IL19: variants seen among roughly 807,000 people sequenced by gnomAD.
The protein encoded by IL19 is interleukin-19.
IL19 carries 15 observed loss-of-function variants against 19.5 expected under a neutral mutation model. The ratio of observed to expected loss-of-function variants is 0.77; its 90% confidence interval spans 0.52 to 1.19. The LOEUF (loss-of-function observed/expected upper bound fraction) is 1.19. Ranked by LOEUF, IL19 falls within the 50% of genes most tolerant of loss-of-function variation. IL19 has a pLI of 0.00. For missense variants in IL19, 199 were observed against 213.1 expected, an observed-to-expected ratio of 0.93 and a Z score of 0.41; for synonymous variants, 78 against 78.3, an observed-to-expected ratio of 1.00 and a Z score of 0.02.
intron 2 of IL19, among the ~76,000 whole-genome samples, chr1:206,805,288 G>A (rs534738061): frequency 6.6e-6 from 1 of 152,302 alleles, no homozygotes; most frequent in South Asian, 2.1e-4. Context: ...ATTGCTCTAG[G>A]TCTTGATACA....
chr1:206,803,552 G>A (rs1006536281), intron 2 of IL19, among the ~76,000 whole-genome samples: 1 of 152,130 alleles, frequency 6.6e-6, no homozygotes, highest in African/African-American at 2.4e-5. Flanking sequence ...GTACTGTGCT[G>A]CGATAAAGAG....
rs907461185 is a variant in IL19, at chr1:206,818,801, TTTTTTCTTTTTCTTTC to T, written c.-2-17854_-2-17839del. On this transcript the variant is annotated intron_variant, in intron 2 of 6. Transcript: ENST00000659997. ...TGTATTTTCTTTCTTTCTTTCTTTC[TTTTTTCTTTTTCTTTC>T]TTTTTTTTTTTTTGAGGCAGAGTCT... Among the ~76,000 whole-genome samples, 7 of 143,240 alleles carry T rather than the reference TTTTTTCTTTTTCTTTC, an allele frequency of 4.9e-5. 1 individual carries two copies. The highest frequency in any genetic ancestry group is 1.8e-4 in the African/African-American group (7 of 38,998). The allele number at this position is 143,240 out of a possible 152,430, so 94.0% of individuals were successfully genotyped here.
intron 2 of IL19, among the ~76,000 whole-genome samples, chr1:206,810,454 G>A (rs1675974336): frequency 6.6e-6 from 1 of 152,188 alleles, no homozygotes; most frequent in Non-Finnish European, 1.5e-5. Context: ...ACATCTACCA[G>A]CCTCACATCC....
chr1:206,775,998 C>T (rs1419559400), intron 1 of IL19, among the ~76,000 whole-genome samples: 1 of 152,162 alleles, frequency 6.6e-6, no homozygotes, highest in East Asian at 1.9e-4. Flanking sequence ...CTAATCAATG[C>T]TTATTATACT....
chr1:206,792,457 C>T (rs1030916196), intron 1 of IL19, among the ~76,000 whole-genome samples: 1 of 152,072 alleles, frequency 6.6e-6, no homozygotes, highest in African/African-American at 2.4e-5. Context: ...AATCCCCCCA[C>T]CCCGCCTTTT....
rs1675597848 is a variant in IL19 at position 206,798,857 on chromosome 1, A to G, written c.-148-4A>G. ...ATGATGACTCTCTATGATTTTCTCC[A>G]TAGAGCGGTGCTTGCACACACTGAC... is the stretch of plus-strand genomic sequence containing the variant. On this transcript the variant is annotated splice_polypyrimidine_tract_variant and splice_region_variant and intron_variant, in intron 1 of 6. Coordinates refer to ENST00000659997, the MANE Select transcript of IL19 (RefSeq NM_153758.5). 2 of 1,441,588 alleles carry G rather than the reference A, an allele frequency of 1.4e-6. No individual in the cohort carries two copies. Among genetic ancestry groups the G allele is most frequent in the Non-Finnish European group, 1.9e-6 (2 of 1,030,856 alleles). 89.3% of individuals were successfully genotyped at this position (1,441,588 alleles called of 1,614,324 possible).
rs901597598 is a variant in IL19, at chr1:206,781,449, GA to G, written c.-149+10379del. On this transcript the variant is annotated intron_variant, in intron 1 of 6. Coordinates refer to ENST00000659997, the MANE Select transcript of IL19 (RefSeq NM_153758.5). ...AAAAAAAAAAAAAAAGAAAAAAAAA[GA>G]AAAAAAAGAGAGAGAGGAGGAAGTT... is the stretch of plus-strand genomic sequence containing the variant. 4.0e-5 allele frequency among the ~76,000 whole-genome samples: 5 copies of G among 126,432 alleles called. No homozygotes were observed. The South Asian group carries it at 7.9e-4, about 20-fold the overall frequency. The allele number at this position is 126,432 out of a possible 152,430, so 82.9% of individuals were successfully genotyped here. A position where few individuals can be genotyped will look rare whatever the true frequency, so the allele number is the denominator to read the frequency against.
At chr1:206,838,147 A>G (rs2243198) in intron 4 of IL19, among the ~76,000 whole-genome samples, 2,323 of 152,374 alleles carry the variant, frequency 0.015, 38 homozygotes, top group Non-Finnish European at 0.022. Flanking sequence ...AACGTGAGGC[A>G]GGAAAGCCAG....
At chr1:206,785,604 G>T (rs1675252699) in intron 1 of IL19, among the ~76,000 whole-genome samples, 1 of 152,228 alleles carries the variant, frequency 6.6e-6, no homozygotes, top group Non-Finnish European at 1.5e-5. Context: ...GCCCCTCAGA[G>T]GGGAAAGTGC....
chr1:206,781,561 T>C (rs930475381), intron 1 of IL19, among the ~76,000 whole-genome samples: 1 of 150,930 alleles, frequency 6.6e-6, no homozygotes, highest in Non-Finnish European at 1.5e-5. Context: ...CTCCCCATAC[T>C]CCGTGTGTTT....
chr1:206,797,200 C>A (rs1314507449), intron 1 of IL19, among the ~76,000 whole-genome samples: 4 of 152,218 alleles, frequency 2.6e-5, no homozygotes, highest in African/African-American at 9.6e-5. Context: ...GTGACACAAT[C>A]ATTGCCAAAC....
intron 2 of IL19, among the ~76,000 whole-genome samples, chr1:206,816,122 G>A (rs73084739): frequency 0.041 from 6,239 of 152,092 alleles, 191 homozygotes; most frequent in Middle Eastern, 0.085. Flanking sequence ...ATGAAATAAA[G>A]GCTTTTCAGG....
intron 2 of IL19, among the ~76,000 whole-genome samples, chr1:206,818,817 CTT>C (rs11373916): frequency 2.9e-5 from 4 of 138,622 alleles, no homozygotes; most frequent in Non-Finnish European, 1.5e-5. Flanking sequence ...CTTTTTCTTT[CTT>C]TTTTTTTTTT....
intron 2 of IL19, among the ~76,000 whole-genome samples, chr1:206,819,555 C>T (rs1676243583): frequency 6.7e-6 from 1 of 148,870 alleles, no homozygotes; most frequent in South Asian, 2.2e-4. Context: ...TAACTCTACC[C>T]TGGGTGACAG....
In IL19 at chr1:206,832,932, C is replaced by G. The variant is rs191225246; in HGVS notation, c.-2-3729C>G. 9.9e-3 allele frequency among the ~76,000 whole-genome samples: 1,515 copies of G among 152,300 alleles called. 19 individuals are homozygous for G. The highest frequency in any genetic ancestry group is 0.051 in the Middle Eastern group (15 of 294). On this transcript the variant is annotated intron_variant, in intron 2 of 6. Transcript: ENST00000659997. ...GCCCTGATCTTTCCTGTCCCTTTTC[C>G]TTCTCTGCCGGTGCCCTGTGGCCCT...
chr1:206,793,650 C>A (rs758855786), intron 1 of IL19, among the ~76,000 whole-genome samples: 1 of 152,196 alleles, frequency 6.6e-6, no homozygotes, highest in African/African-American at 2.4e-5. Context: ...AAGGTTGGGC[C>A]TTCCTTTCAC....
intron 1 of IL19, among the ~76,000 whole-genome samples, chr1:206,788,308 C>G (rs1343571375): frequency 6.6e-6 from 1 of 152,218 alleles, no homozygotes; most frequent in East Asian, 1.9e-4. Flanking sequence ...AAACTACTAC[C>G]TGTCTTAGTT....
intron 2 of IL19, among the ~76,000 whole-genome samples, chr1:206,808,152 G>T (rs1292742276): frequency 6.6e-6 from 1 of 152,168 alleles, no homozygotes; most frequent in South Asian, 2.1e-4. Context: ...CCAACATGGC[G>T]AAACCCTGTC....
intron 2 of IL19, among the ~76,000 whole-genome samples, chr1:206,816,899 A>G (rs1414644025): frequency 1.3e-5 from 2 of 152,236 alleles, no homozygotes; most frequent in Non-Finnish European, 2.9e-5. Flanking sequence ...ACCAATGACT[A>G]AATTTTTGGG....
Sources: gnomAD v4.1 joint callset for allele counts (sites outside exome capture counted in the v4.1 genomes callset) on GRCh38, gnomAD v4.1.1 for gene constraint, MANE v1.5 for transcripts, NCBI Gene and HGNC (gene_info 2026-07-23, HGNC 2026-07-21) for gene names.